The following RSRC1 variants were observed in gnomAD, a reference collection of about 807,000 sequenced individuals.
RSRC1 encodes the protein serine/Arginine-related protein 53.
A neutral mutation model predicts 49.1 loss-of-function variants in RSRC1; 39 were observed. That is an observed-to-expected ratio of 0.79 (90% confidence interval 0.61 to 1.04). The LOEUF is 1.04. Ranked by LOEUF, RSRC1 falls within the 50% of genes least tolerant of loss-of-function variation. The probability of loss-of-function intolerance (pLI) is 0.00; values close to 1 mark genes in which losing one functional copy is unlikely to be tolerated. For missense variants in RSRC1, 388 were observed against 402.4 expected (o/e 0.96, Z 0.31); for synonymous variants, 143 against 130.8 (o/e 1.09, Z -0.63).
chr3:158,120,190 A>AT (rs1043972616), intron 1 of RSRC1, among the ~76,000 whole-genome samples: 25 of 152,124 alleles, frequency 1.6e-4, no homozygotes, highest in Non-Finnish European at 3.1e-4. Context: ...TTGTAGTTTC[A>AT]TTTTTTAAAT....
chr3:158,328,467 G>C (rs1002401646), intron 5 of RSRC1, among the ~76,000 whole-genome samples: 3 of 152,124 alleles, frequency 2.0e-5, no homozygotes, highest in Non-Finnish European at 4.4e-5. Context: ...TGTCTGTAGA[G>C]GATTGTATTT....
intron 6 of RSRC1, among the ~76,000 whole-genome samples, chr3:158,459,777 T>C (rs1410839708): frequency 6.6e-6 from 1 of 151,968 alleles, no homozygotes; most frequent in East Asian, 1.9e-4. Flanking sequence ...ATATAAAAGC[T>C]TGTAAATGGA....
intron 6 of RSRC1, among the ~76,000 whole-genome samples, chr3:158,360,399 A>G (rs557327792): frequency 1.3e-5 from 2 of 152,182 alleles, no homozygotes; most frequent in South Asian, 4.1e-4. Context: ...CTGGCAGCCC[A>G]GCTGCCAGCC....
intron 6 of RSRC1, among the ~76,000 whole-genome samples, chr3:158,377,359 A>AGTTTGGGCCTAGCAGGAGGT: frequency 6.6e-6 from 1 of 152,140 alleles, no homozygotes; most frequent in East Asian, 1.9e-4. Context: ...CCAATGTTGG[A>AGTTTGGGCCTAGCAGGAGGT]GTTTGGGCCT....
chr3:158,156,255 T>C (rs982837501), intron 3 of RSRC1, among the ~76,000 whole-genome samples: 2 of 152,224 alleles, frequency 1.3e-5, no homozygotes, highest in Non-Finnish European at 2.9e-5. Flanking sequence ...CAAACTTTTC[T>C]TTTGTAGCTT....
intron 4 of RSRC1, among the ~76,000 whole-genome samples, chr3:158,250,024 G>C (rs904590859): frequency 3.9e-5 from 6 of 152,050 alleles, no homozygotes; most frequent in African/African-American, 1.4e-4. Context: ...GAATTCAATT[G>C]TTTTAATTTT....
intron 5 of RSRC1, among the ~76,000 whole-genome samples, chr3:158,333,353 T>G (rs969567861): frequency 6.6e-6 from 1 of 152,214 alleles, no homozygotes; most frequent in African/African-American, 2.4e-5. Flanking sequence ...GTTTTGCCTT[T>G]TTTCCTACCA....
intron 6 of RSRC1, among the ~76,000 whole-genome samples, chr3:158,433,853 G>C (rs1394112062): frequency 6.6e-6 from 1 of 151,898 alleles, no homozygotes; most frequent in Non-Finnish European, 1.5e-5. Context: ...TGTAATATCT[G>C]CTAAGATTAT....
intron 4 of RSRC1, among the ~76,000 whole-genome samples, chr3:158,293,627 C>T (rs1375805254): frequency 2.6e-5 from 4 of 151,970 alleles, no homozygotes; most frequent in African/African-American, 9.7e-5. Context: ...CCTTTACTTG[C>T]CTTACCTTGT....
chr3:158,300,357 C>T (rs1727473831), intron 5 of RSRC1, among the ~76,000 whole-genome samples: 1 of 152,160 alleles, frequency 6.6e-6, no homozygotes, highest in Non-Finnish European at 1.5e-5. Flanking sequence ...GTCTGTTTAT[C>T]CATCCATTCA....
chr3:158,358,116 A>T (rs1056482708), intron 6 of RSRC1, among the ~76,000 whole-genome samples: 3 of 152,216 alleles, frequency 2.0e-5, no homozygotes, highest in East Asian at 3.8e-4. Flanking sequence ...AATAAGATTT[A>T]AAAAAATGTA....
intron 9 of RSRC1, among the ~76,000 whole-genome samples, chr3:158,543,864 C>T (rs1256906746): frequency 6.6e-6 from 1 of 151,960 alleles, no homozygotes; most frequent in Non-Finnish European, 1.5e-5. Flanking sequence ...GAGCACATCA[C>T]TAACATCATA....
chr3:158,248,656 A>G (rs763987984), intron 4 of RSRC1, among the ~76,000 whole-genome samples: 39 of 150,832 alleles, frequency 2.6e-4, no homozygotes, highest in Admixed American at 1.1e-3. Flanking sequence ...GGAGTGCAGT[A>G]ATGTGATCTT....
chr3:158,110,886 A>G (rs1259725751), intron 1 of RSRC1, among the ~76,000 whole-genome samples: 4 of 152,240 alleles, frequency 2.6e-5, no homozygotes, highest in African/African-American at 7.2e-5. Flanking sequence ...AATGCACCGT[A>G]AGGCATGTTG....
intron 4 of RSRC1, among the ~76,000 whole-genome samples, chr3:158,239,374 G>T (rs1338693221): frequency 6.6e-6 from 1 of 152,130 alleles, no homozygotes; most frequent in Non-Finnish European, 1.5e-5. Context: ...ATACCCAAAG[G>T]ATTATAAATC....
At chr3:158,272,696 T>C (rs1338815935) in intron 4 of RSRC1, among the ~76,000 whole-genome samples, 1 of 152,022 alleles carries the variant, frequency 6.6e-6, no homozygotes, top group Non-Finnish European at 1.5e-5. Context: ...AAACAGAATA[T>C]TATAGTTAGT....
At chr3:158,336,063 C>T (rs778641031) in intron 5 of RSRC1, among the ~76,000 whole-genome samples, 12 of 152,182 alleles carry the variant, frequency 7.9e-5, no homozygotes, top group Non-Finnish European at 1.5e-4. Context: ...CTCTACTGCC[C>T]AAATGATATG....
intron 6 of RSRC1, among the ~76,000 whole-genome samples, chr3:158,451,282 A>G (rs1459538798): frequency 1.3e-5 from 2 of 151,964 alleles, no homozygotes; most frequent in Non-Finnish European, 2.9e-5. Context: ...GATGTTTGCT[A>G]CCAGATGGCC....
intron 5 of RSRC1, among the ~76,000 whole-genome samples, chr3:158,305,711 G>A (rs999512938): frequency 6.6e-6 from 1 of 151,976 alleles, no homozygotes; most frequent in Non-Finnish European, 1.5e-5. Flanking sequence ...CTTTAATCAC[G>A]CTTATTACCA....
Sources: allele counts gnomAD v4.1 joint callset (sites outside exome capture counted in the v4.1 genomes callset), GRCh38; gene constraint gnomAD v4.1.1; transcripts MANE v1.5; gene names NCBI Gene and HGNC (gene_info 2026-07-23, HGNC 2026-07-21).